CHSY3: variants seen among roughly 807,000 people sequenced by gnomAD.
CHSY3 encodes the protein chondroitin sulfate synthase 3.
In CHSY3, 35 loss-of-function variants were observed where a neutral mutation model predicts 67.2. The ratio of observed to expected loss-of-function variants is 0.52; its 90% CI spans 0.40 to 0.69. The LOEUF (loss-of-function observed/expected upper bound fraction) is 0.69. Ranked by LOEUF, CHSY3 falls within the 30% of genes least tolerant of loss-of-function variation. The pLI, the probability that CHSY3 is intolerant of heterozygous loss-of-function variation, is 0.00. For missense variants in CHSY3, 1,069 were observed against 1,138.5 expected, an observed-to-expected ratio of 0.94 and a Z score of 0.88; for synonymous variants, 474 against 434.7, an observed-to-expected ratio of 1.09 and a Z score of -1.12.
At chr5:129,956,343 A>G (rs1309184086) in intron 2 of CHSY3, among the ~76,000 whole-genome samples, 1 of 151,938 alleles carries the variant, frequency 6.6e-6, no homozygotes, top group Non-Finnish European at 1.5e-5. Flanking sequence ...TGTTGGTCGT[A>G]TGTAGGTCTT....
At chr5:130,156,776 A>G (rs1769385566) in intron 2 of CHSY3, among the ~76,000 whole-genome samples, 1 of 152,246 alleles carries the variant, frequency 6.6e-6, no homozygotes, top group African/African-American at 2.4e-5. Context: ...ACAGACAGCT[A>G]CTGGCTGAAA....
chr5:129,992,770 G>T (rs938520664), intron 2 of CHSY3, among the ~76,000 whole-genome samples: 4 of 152,148 alleles, frequency 2.6e-5, no homozygotes, highest in Non-Finnish European at 4.4e-5. Context: ...TCTGCCTTAA[G>T]GTTTTGCCTA....
At chr5:130,136,054 G>A (rs963167346) in intron 2 of CHSY3, among the ~76,000 whole-genome samples, 4 of 152,200 alleles carry the variant, frequency 2.6e-5, no homozygotes, top group African/African-American at 7.2e-5. Context: ...GAAAACAAGC[G>A]AAGTGTTTAA....
chr5:130,033,681 AT>A (rs1321282687), intron 2 of CHSY3, among the ~76,000 whole-genome samples: 1 of 152,170 alleles, frequency 6.6e-6, no homozygotes, highest in Non-Finnish European at 1.5e-5. Context: ...TGGAGTCTGG[AT>A]AGCTGAAGAT....
At chr5:130,077,797 G>A (rs1220765764) in intron 2 of CHSY3, among the ~76,000 whole-genome samples, 1 of 150,624 alleles carries the variant, frequency 6.6e-6, no homozygotes, top group Admixed American at 6.6e-5. Context: ...ATATATATGT[G>A]TGTATATATA....
chr5:129,949,256 A>T (rs1306214337), intron 2 of CHSY3, among the ~76,000 whole-genome samples: 1 of 152,214 alleles, frequency 6.6e-6, no homozygotes, highest in African/African-American at 2.4e-5. Context: ...AAGTCAACAA[A>T]GAAGTTGGAA....
upstream of CHSY3, among the ~76,000 whole-genome samples, chr5:129,904,262 G>C (rs1226915833): frequency 6.6e-6 from 1 of 151,804 alleles, no homozygotes; most frequent in African/African-American, 2.4e-5. Context: ...AGAGGAGGCC[G>C]GCTCTGGACT....
At chr5:130,153,434 T>A (rs1460774507) in intron 2 of CHSY3, among the ~76,000 whole-genome samples, 5 of 152,218 alleles carry the variant, frequency 3.3e-5, no homozygotes, top group Non-Finnish European at 5.9e-5. Context: ...CCTTTAAGTT[T>A]TGCAAGTTGA....
intron 2 of CHSY3, among the ~76,000 whole-genome samples, chr5:130,100,921 T>G (rs1272628613): frequency 6.6e-6 from 1 of 152,218 alleles, no homozygotes; most frequent in Non-Finnish European, 1.5e-5. Context: ...ATGAAAAAGC[T>G]CACCTCAACT....
intron 2 of CHSY3, among the ~76,000 whole-genome samples, chr5:129,979,828 A>G (rs1275106929): frequency 6.6e-6 from 1 of 152,166 alleles, no homozygotes; most frequent in African/African-American, 2.4e-5. Context: ...CCAGAATGTT[A>G]TATAGTTGGA....
intron 2 of CHSY3, among the ~76,000 whole-genome samples, chr5:129,922,464 G>T (rs567920417): frequency 3.9e-5 from 6 of 152,116 alleles, no homozygotes; most frequent in Admixed American, 1.3e-4. Context: ...AGTGTACAAG[G>T]GTTCCCTTTT....
intron 2 of CHSY3, among the ~76,000 whole-genome samples, chr5:130,068,270 T>C (rs1765948689): frequency 6.6e-6 from 1 of 152,106 alleles, no homozygotes; most frequent in African/African-American, 2.4e-5. Flanking sequence ...AAAAATAAGA[T>C]GGAATATCCA....
chr5:129,936,736 G>A lies in CHSY3; in HGVS notation c.1086+28376G>A, dbSNP rs142842367. On this transcript the variant is annotated intron_variant, in intron 2 of 2. Transcript: ENST00000305031. Reference sequence around the variant, plus strand: ...TAGGGCATTCCCCATGTAAGAATGGGGTATAGACGATGACAGTACAGAAAA... The same window carrying A: ...TAGGGCATTCCCCATGTAAGAATGGAGTATAGACGATGACAGTACAGAAAA... 7.3e-3 allele frequency among the ~76,000 whole-genome samples: 1,108 copies of A among 152,208 alleles called. 8 individuals carry two copies. Among genetic ancestry groups the A allele is most frequent in the Non-Finnish European group, 9.9e-3 (672 of 68,012 alleles).
chr5:129,935,142 C>T (rs1761445920), intron 2 of CHSY3, among the ~76,000 whole-genome samples: 1 of 152,308 alleles, frequency 6.6e-6, no homozygotes, highest in South Asian at 2.1e-4. Context: ...AATTCAAATT[C>T]ACATTTCTGA....
intron 2 of CHSY3, among the ~76,000 whole-genome samples, chr5:130,000,107 T>A (rs1763676195): frequency 6.6e-6 from 1 of 152,214 alleles, no homozygotes. Flanking sequence ...TTTAAAGAAC[T>A]CAAACTTCTT....
At chr5:129,957,977 A>C (rs1188538283) in intron 2 of CHSY3, among the ~76,000 whole-genome samples, 1 of 151,716 alleles carries the variant, frequency 6.6e-6, no homozygotes, top group Non-Finnish European at 1.5e-5. Context: ...TTTTATCTTT[A>C]CTTTCATGTT....
intron 2 of CHSY3, among the ~76,000 whole-genome samples, chr5:130,095,942 T>C (rs1037743604): frequency 2.6e-5 from 4 of 152,202 alleles, no homozygotes; most frequent in Non-Finnish European, 4.4e-5. Context: ...AGATAATGCA[T>C]GGTCTCAATA....
Position 129,952,037 on chromosome 5 carries a change from CTA to C in CHSY3, c.1086+43678_1086+43679del, listed in dbSNP as rs1336608208. Among the ~76,000 whole-genome samples, 5 of 152,170 alleles carry C rather than the reference CTA, an allele frequency of 3.3e-5. No homozygotes were observed. The South Asian group carries it at 8.3e-4, about 25-fold the overall frequency. Reference sequence around the variant, plus strand: ...TATCACATAATTAGCTTTTAACTTACTACCACATTGGTATAGGCGATAAGAAC... The same window carrying C: ...TATCACATAATTAGCTTTTAACTTACCCACATTGGTATAGGCGATAAGAAC... On this transcript the variant is annotated intron_variant, in intron 2 of 2. Coordinates refer to ENST00000305031, the MANE Select transcript of CHSY3 (RefSeq NM_175856.5).
chr5:130,175,396 A>G (rs569179739), intron 2 of CHSY3, among the ~76,000 whole-genome samples: 59 of 152,238 alleles, frequency 3.9e-4, no homozygotes, highest in Middle Eastern at 3.2e-3. Context: ...GCTCATGGAT[A>G]GGAAGAATCA....
Sources: allele counts gnomAD v4.1 joint callset (sites outside exome capture counted in the v4.1 genomes callset), GRCh38; gene constraint gnomAD v4.1.1; transcripts MANE v1.5; gene names NCBI Gene and HGNC (gene_info 2026-07-23, HGNC 2026-07-21).